Variants in UNC79 observed in about 807,000 individuals in gnomAD.
UNC79 encodes the protein unc-79 subunit of NALCN channel complex.
A neutral mutation model predicts 283.1 loss-of-function variants in UNC79; 37 were observed. The ratio of observed to expected loss-of-function variants is 0.13; its 90% CI spans 0.10 to 0.17. The LOEUF (loss-of-function observed/expected upper bound fraction) is 0.17, where lower values mean the gene tolerates loss of function less well. Among genes scored for constraint, UNC79 ranks in the 10% least tolerant of loss-of-function variants. UNC79 has a pLI of 1.00. For missense variants in UNC79, 2,272 were observed against 3,211.1 expected, an observed-to-expected ratio of 0.71 and a Z score of 7.07; for synonymous variants, 1,107 against 1,200.2, an observed-to-expected ratio of 0.92 and a Z score of 1.61.
intron 32 of UNC79, among the ~76,000 whole-genome samples, 170 bp from the exon 36 acceptor site, chr14:93,640,975 C>G (rs1430268139): frequency 6.6e-6 from 1 of 152,136 alleles, no homozygotes; most frequent in Non-Finnish European, 1.5e-5. Flanking sequence ...AAATCACAAT[C>G]TTTCTTGACT....
intron 40 of UNC79, among the ~76,000 whole-genome samples, chr14:93,671,534 A>T (rs530715975): frequency 6.6e-6 from 1 of 152,280 alleles, no homozygotes; most frequent in East Asian, 1.9e-4. Context: ...GCACTTTCGG[A>T]GGCCGAGGCA....
chr14:93,527,171 A>C (rs142892210), intron 8 of UNC79, among the ~76,000 whole-genome samples: 1 of 152,364 alleles, frequency 6.6e-6, no homozygotes, highest in Non-Finnish European at 1.5e-5. Context: ...CCACTTTATG[A>C]AATACTTTGA....
rs76100566 is a variant in UNC79 at position 93,649,043 on chromosome 14, G to A, written c.6083+2397G>A. On this transcript the variant is annotated intron_variant, in intron 35 of 48. Coordinates refer to ENST00000555664, the Ensembl canonical transcript of UNC79. ...GAACCAGAAGAGGGCAGGGACGGAT[G>A]CTGTGTGTGACTTTGGCCACATTGA... 7.6e-3 allele frequency among the ~76,000 whole-genome samples: 1,158 copies of A among 152,252 alleles called. 20 individuals carry two copies. The highest frequency in any genetic ancestry group is 0.027 in the African/African-American group (1,119 of 41,540).
At position 93,446,937 on chromosome 14, in the gene UNC79, C is replaced by T. The variant is rs563282281; in HGVS notation, c.22+15886C>T. ...TGTGTTGAAATCTTCTACGCATTTG[C>T]GGATTTTTGTCTAATTTTTCTAATA... On this transcript the variant is annotated intron_variant, in intron 1 of 48. Transcript: ENST00000555664. 8.0e-4 allele frequency among the ~76,000 whole-genome samples: 121 copies of T among 152,186 alleles called. 4 individuals are homozygous for T. The South Asian group carries it at 0.022, about 27-fold the overall frequency.
intron 7 of UNC79, among the ~76,000 whole-genome samples, chr14:93,510,178 G>A (rs1481514551): frequency 1.3e-5 from 2 of 152,206 alleles, no homozygotes; most frequent in Non-Finnish European, 2.9e-5. Context: ...CTGAGGTTGT[G>A]CAGGGCAGTG....
chr14:93,371,880 C>T (rs906050855), intron 1 of UNC79, among the ~76,000 whole-genome samples: 7 of 151,964 alleles, frequency 4.6e-5, no homozygotes, highest in Admixed American at 3.9e-4. Context: ...TCTCAGAAAC[C>T]GTGCAAACAA....
At chr14:93,618,254 T>C in exon 29 of UNC79, 2 of 1,614,028 alleles carry the variant, frequency 1.2e-6, no homozygotes, top group Non-Finnish European at 1.7e-6. Context: ...TAACAGTCAA[T>C]ACACTCAATG....
At chr14:93,333,545 A>G in intron 1 of UNC79, 1 of 397,802 alleles carries the variant, frequency 2.5e-6, no homozygotes. Context: ...TCTGCATGGT[A>G]CTTTTACAGG....
intron 47 of UNC79, among the ~76,000 whole-genome samples, chr14:93,694,646 T>C (rs1211098465): frequency 1.3e-5 from 2 of 152,126 alleles, no homozygotes; most frequent in East Asian, 1.9e-4. Flanking sequence ...CCAAGCATGG[T>C]GGCTCATGCC....
At chr14:93,396,322 A>G (rs2054996162) in intron 1 of UNC79, among the ~76,000 whole-genome samples, 1 of 152,058 alleles carries the variant, frequency 6.6e-6, no homozygotes, top group Non-Finnish European at 1.5e-5. Flanking sequence ...CATGATTCTC[A>G]TACTTTCCTT....
intron 26 of UNC79, among the ~76,000 whole-genome samples, chr14:93,609,364 A>G (rs1260645654): frequency 6.6e-6 from 1 of 152,176 alleles, no homozygotes; most frequent in Non-Finnish European, 1.5e-5. Flanking sequence ...AGTCTGGAAA[A>G]GCAGATCCTG....
intron 1 of UNC79, among the ~76,000 whole-genome samples, chr14:93,413,947 G>T (rs1475332730): frequency 6.7e-6 from 1 of 149,674 alleles, no homozygotes; most frequent in East Asian, 1.9e-4. Context: ...AGATGAGTAG[G>T]TTGTGAAAAT....
intron 1 of UNC79, among the ~76,000 whole-genome samples, chr14:93,343,671 C>A (rs2053762260): frequency 6.6e-6 from 1 of 152,054 alleles, no homozygotes; most frequent in Non-Finnish European, 1.5e-5. Context: ...AATCTTAATT[C>A]ATTATATAAT....
intron 14 of UNC79, among the ~76,000 whole-genome samples, chr14:93,547,511 C>T (rs764216791): frequency 6.6e-6 from 1 of 152,146 alleles, no homozygotes; most frequent in Non-Finnish European, 1.5e-5. Context: ...ACTTGATTAA[C>T]CAACATTACA....
chr14:93,574,995 T>C, intron 16 of UNC79, 63 bp from the exon 17 acceptor site: 1 of 1,549,774 alleles, frequency 6.5e-7, no homozygotes, highest in Non-Finnish European at 8.7e-7. Flanking sequence ...AGGTTAAATA[T>C]AGCTTTTTTG....
Position 93,409,781 on chromosome 14 carries a change from T to C in UNC79, c.-350-57890T>C, listed in dbSNP as rs149454847. Among the ~76,000 whole-genome samples the C allele has an allele frequency of 2.7e-4, 41 of 152,322 alleles. 2 individuals carry two copies. The East Asian group carries it at 7.5e-3, about 28-fold the overall frequency. ...TTCCTATGAATAAAAACAGTCAAGA[T>C]ATAAATTATCTCAAAATTACTTCAT... On this transcript the variant is annotated intron_variant, in intron 1 of 49. Coordinates refer to the UNC79 transcript ENST00000256339.
chr14:93,658,581 G>A (rs560792694), intron 38 of UNC79, among the ~76,000 whole-genome samples: 25 of 152,236 alleles, frequency 1.6e-4, no homozygotes, highest in African/African-American at 4.6e-4. Flanking sequence ...ATTTTGATGT[G>A]GAATCTTGTC....
intron 22 of UNC79, among the ~76,000 whole-genome samples, chr14:93,592,153 A>ATTCATTACATAACT (rs2064729414): frequency 1.3e-5 from 2 of 149,962 alleles, no homozygotes; most frequent in Admixed American, 1.3e-4. Flanking sequence ...TATTTTATAC[A>ATTCATTACATAACT]TTCATTACAT....
rs140891651 is a variant in UNC79 at position 93,347,334 on chromosome 14, G to C, written c.-351+13811G>C. On this transcript the variant is annotated intron_variant, in intron 1 of 49. Transcript: ENST00000256339. Reference sequence around the variant, plus strand: ...ACCGCCGCTTGGCCCTGCTCGGCCTGCAGCCCGCTCCCCGCTTCGCCCACT... The same window carrying C: ...ACCGCCGCTTGGCCCTGCTCGGCCTCCAGCCCGCTCCCCGCTTCGCCCACT... 149 of 1,601,396 alleles carry C rather than the reference G, an allele frequency of 9.3e-5. No individual in the cohort carries two copies. In the African/African-American group the frequency reaches 1.8e-3, roughly 19 times the overall value.
Sources: allele counts gnomAD v4.1 joint callset (sites outside exome capture counted in the v4.1 genomes callset), GRCh38; gene constraint gnomAD v4.1.1; transcripts MANE v1.5; gene names NCBI Gene and HGNC (gene_info 2026-07-23, HGNC 2026-07-21).